The following COLGALT2 variants were observed in gnomAD, a reference collection of about 807,000 sequenced individuals.
COLGALT2 encodes the protein procollagen galactosyltransferase 2.
Under a neutral mutation model 73.4 loss-of-function variants are expected in COLGALT2, and 49 were observed. That is an observed-to-expected ratio of 0.67 (90% CI 0.53 to 0.85). The LOEUF is 0.85. COLGALT2 is among the 40% of genes least tolerant of loss of function. The probability of loss-of-function intolerance (pLI) is 0.00; values close to 1 mark genes in which losing one functional copy is unlikely to be tolerated. For synonymous variants in COLGALT2, 295 were observed against 307.6 expected, an observed-to-expected ratio of 0.96 and a Z score of 0.43; for missense variants, 722 against 790.2, an observed-to-expected ratio of 0.91 and a Z score of 1.03.
chr1:184,034,334 C>T (rs1466224922), intron 1 of COLGALT2, among the ~76,000 whole-genome samples: 1 of 149,174 alleles, frequency 6.7e-6, no homozygotes, highest in African/African-American at 2.5e-5. Flanking sequence ...CTAGAGCCAT[C>T]CTTCTTTCCC....
At chr1:184,016,697 A>T (rs1649011549) in intron 1 of COLGALT2, among the ~76,000 whole-genome samples, 1 of 152,190 alleles carries the variant, frequency 6.6e-6, no homozygotes, top group African/African-American at 2.4e-5. Context: ...TCAAAAGTGA[A>T]TTTTTTATAT....
rs920779659 is a variant in COLGALT2 at position 184,036,121 on chromosome 1, T to G, written c.263+974A>C. On this transcript the variant is annotated intron_variant, in intron 1 of 11. Coordinates refer to ENST00000361927, the MANE Select transcript of COLGALT2 (RefSeq NM_015101.4). ...CTGTCTTCCTCAGGGGGCCAGAGTCTTCTTGTCCGAGTACCTACCTGACAG... is the reference window on the plus strand; with the variant it reads ...CTGTCTTCCTCAGGGGGCCAGAGTCGTCTTGTCCGAGTACCTACCTGACAG... 2.6e-5 allele frequency among the ~76,000 whole-genome samples: 4 copies of G among 152,186 alleles called. No individual in the cohort carries two copies. The South Asian group carries it at 8.3e-4, about 32-fold the overall frequency.
chr1:184,022,608 C>T (rs772333241), intron 1 of COLGALT2, among the ~76,000 whole-genome samples: 31 of 152,278 alleles, frequency 2.0e-4, no homozygotes, highest in Middle Eastern at 6.8e-3. Flanking sequence ...ATAAGGGAAA[C>T]TGTTGCTTTC....
intron 1 of COLGALT2, among the ~76,000 whole-genome samples, chr1:184,035,709 T>G (rs1359943798): frequency 6.6e-6 from 1 of 152,128 alleles, no homozygotes; most frequent in Non-Finnish European, 1.5e-5. Flanking sequence ...TTTTAAAATA[T>G]CTCTTAAAAA....
chr1:183,951,235 G>A (rs1262723815), intron 7 of COLGALT2, 122 bp from the exon 8 acceptor site: 34 of 694,270 alleles, frequency 4.9e-5, no homozygotes, highest in South Asian at 1.6e-4. Context: ...AAGAACTGTC[G>A]TGAAAATTCA....
intron 1 of COLGALT2, among the ~76,000 whole-genome samples, chr1:183,999,751 A>G (rs2102837456): frequency 6.6e-6 from 1 of 152,238 alleles, no homozygotes; most frequent in Admixed American, 6.5e-5. Context: ...ATGTATTTAT[A>G]GCATTCTTAT....
chr1:184,030,565 C>A (rs553619151), intron 1 of COLGALT2, among the ~76,000 whole-genome samples: 1 of 152,120 alleles, frequency 6.6e-6, no homozygotes, highest in Middle Eastern at 3.2e-3. Flanking sequence ...CCCAAGTGCA[C>A]GTTTAAGTGT....
At chr1:183,943,978 C>A (rs1433603524) in intron 10 of COLGALT2, among the ~76,000 whole-genome samples, 1 of 152,214 alleles carries the variant, frequency 6.6e-6, no homozygotes, top group East Asian at 1.9e-4. Flanking sequence ...AGGTCTCAGA[C>A]AATCTTCCAC....
downstream of COLGALT2, among the ~76,000 whole-genome samples, chr1:183,934,394 T>C (rs1223538068): frequency 6.6e-6 from 1 of 152,216 alleles, no homozygotes; most frequent in Non-Finnish European, 1.5e-5. Flanking sequence ...GCCCCTCATA[T>C]GCCCCTCCTC....
At chr1:183,968,116 C>G (rs1670931838) in intron 5 of COLGALT2, among the ~76,000 whole-genome samples, 1 of 152,196 alleles carries the variant, frequency 6.6e-6, no homozygotes, top group Non-Finnish European at 1.5e-5. Flanking sequence ...GCCGGAGGAT[C>G]TTTGCACCAT....
chr1:183,943,429 A>C (rs1670166723), intron 10 of COLGALT2, among the ~76,000 whole-genome samples: 1 of 152,140 alleles, frequency 6.6e-6, no homozygotes, highest in Non-Finnish European at 1.5e-5. Flanking sequence ...TTGTTTTAAA[A>C]AGAAAATGAG....
intron 1 of COLGALT2, among the ~76,000 whole-genome samples, chr1:184,029,110 G>A (rs1649423192): frequency 6.6e-6 from 1 of 152,212 alleles, no homozygotes; most frequent in African/African-American, 2.4e-5. Context: ...CAAGAGACTT[G>A]GCTAATGCCA....
chr1:183,937,249 A>G lies in COLGALT2; in HGVS notation c.*1512T>C. 6.8e-6 allele frequency: 8 copies of G among 1,183,920 alleles called. No individual in the cohort carries two copies. The highest frequency in any genetic ancestry group is 8.3e-6 in the Non-Finnish European group (8 of 958,096). 73.3% of individuals were successfully genotyped at this position (1,183,920 alleles called of 1,614,324 possible). On this transcript the variant is annotated 3_prime_UTR_variant, in exon 12 of 12. Transcript: ENST00000361927. ...ATGGCTGCATGGTGCATGGACAGTG[A>G]TGAGGAACGGTGCTGGTATGGGATG...
At chr1:183,972,742 C>T (rs962191246) in intron 4 of COLGALT2, among the ~76,000 whole-genome samples, 4 of 151,798 alleles carry the variant, frequency 2.6e-5, no homozygotes, top group African/African-American at 9.7e-5. Flanking sequence ...CTCTGTCACC[C>T]AGGCTGGAGC....
At chr1:183,956,290 A>G (rs1305386279) in intron 6 of COLGALT2, among the ~76,000 whole-genome samples, 3 of 152,230 alleles carry the variant, frequency 2.0e-5, no homozygotes, top group Non-Finnish European at 4.4e-5. Context: ...GTAGTGAGAC[A>G]GAGTTCTTAG....
chr1:183,962,011 G>A (rs1274645157), intron 6 of COLGALT2, among the ~76,000 whole-genome samples: 1 of 152,144 alleles, frequency 6.6e-6, no homozygotes, highest in East Asian at 1.9e-4. Context: ...GACAGACAAT[G>A]TGCTAGGTCC....
downstream of COLGALT2, among the ~76,000 whole-genome samples, chr1:183,934,913 TATG>T (rs1669915803): frequency 6.6e-6 from 1 of 152,176 alleles, no homozygotes; most frequent in Non-Finnish European, 1.5e-5. Context: ...GCTCTGTGCT[TATG>T]ATGAGACAGC....
At chr1:183,962,138 TTTTCTTTTTCTC>T (rs1670719290) in intron 6 of COLGALT2, among the ~76,000 whole-genome samples, 3 of 148,312 alleles carry the variant, frequency 2.0e-5, no homozygotes, top group Admixed American at 6.8e-5. Context: ...TTTTCTTTTC[TTTTCTTTTTCTC>T]TTTCTTTTTT....
downstream of COLGALT2, among the ~76,000 whole-genome samples, chr1:183,930,939 A>G (rs910713559): frequency 2.0e-5 from 3 of 152,260 alleles, no homozygotes; most frequent in Admixed American, 6.5e-5. Flanking sequence ...CAATTTGGCA[A>G]CCATTATTGG....
Sources: gnomAD v4.1 joint callset for allele counts (sites outside exome capture counted in the v4.1 genomes callset) on GRCh38, gnomAD v4.1.1 for gene constraint, MANE v1.5 for transcripts, NCBI Gene and HGNC (gene_info 2026-07-23, HGNC 2026-07-21) for gene names.